ATP8A2: variants seen among roughly 807,000 people sequenced by gnomAD.
The protein encoded by ATP8A2 is ATPase phospholipid transporting 8A2, also known as phospholipid-transporting ATPase IB.
A neutral mutation model predicts 165.6 loss-of-function variants in ATP8A2; 100 were observed. The observed-to-expected ratio is 0.60, with a 90% CI of 0.51 to 0.71. The LOEUF (loss-of-function observed/expected upper bound fraction) is 0.71, where lower values mean the gene tolerates loss of function less well. Ranked by LOEUF, ATP8A2 falls within the 30% of genes least tolerant of loss-of-function variation. The pLI is 0.00. For synonymous variants in ATP8A2, 543 were observed against 548.8 expected (o/e 0.99, Z 0.15); for missense variants, 1,227 against 1,479.5 (o/e 0.83, Z 2.80).
intron 33 of ATP8A2, among the ~76,000 whole-genome samples, chr13:25,896,595 C>T (rs1206926873): frequency 6.6e-6 from 1 of 151,940 alleles, no homozygotes; most frequent in Non-Finnish European, 1.5e-5. Context: ...GCTTGTTAAC[C>T]TTCTGTCTCG....
At chr13:26,007,665 A>G (rs1956769614) in intron 35 of ATP8A2, among the ~76,000 whole-genome samples, 1 of 152,226 alleles carries the variant, frequency 6.6e-6, no homozygotes, top group African/African-American at 2.4e-5. Flanking sequence ...CAGGCTCTCA[A>G]AACATAACTA....
At chr13:25,923,370 G>T (rs142570456) in intron 33 of ATP8A2, among the ~76,000 whole-genome samples, 1 of 152,290 alleles carries the variant, frequency 6.6e-6, no homozygotes, top group African/African-American at 2.4e-5. Context: ...GGACAGAAAG[G>T]GTAAGCTGCA....
chr13:25,995,479 C>T (rs531808128), intron 35 of ATP8A2, among the ~76,000 whole-genome samples: 2 of 151,592 alleles, frequency 1.3e-5, no homozygotes, highest in South Asian at 4.2e-4. Flanking sequence ...AACCATGTAC[C>T]ACAAATTGTA....
chr13:25,915,144 A>C (rs1304599728), intron 33 of ATP8A2, among the ~76,000 whole-genome samples: 1 of 152,208 alleles, frequency 6.6e-6, no homozygotes, highest in South Asian at 2.1e-4. Flanking sequence ...ATAATGTTGA[A>C]ACAAAAACAT....
chr13:25,899,725 A>T (rs867760564), intron 33 of ATP8A2, among the ~76,000 whole-genome samples: 1 of 152,174 alleles, frequency 6.6e-6, no homozygotes, highest in Non-Finnish European at 1.5e-5. Context: ...AGAAGAGCAG[A>T]GGGGTGCACG....
intron 1 of ATP8A2, among the ~76,000 whole-genome samples, chr13:25,393,559 G>A (rs2033320703): frequency 6.6e-6 from 1 of 152,170 alleles, no homozygotes; most frequent in Non-Finnish European, 1.5e-5. Flanking sequence ...GGGATTACAG[G>A]TATGTACCAC....
At chr13:25,531,245 T>A (rs60135049) in intron 4 of ATP8A2, among the ~76,000 whole-genome samples, 103 of 90,488 alleles carry the variant, frequency 1.1e-3, no homozygotes, top group Non-Finnish European at 1.5e-3. Flanking sequence ...GATATATATG[T>A]TATATATGAT....
At chr13:25,377,034 G>A (rs924255601) in intron 1 of ATP8A2, among the ~76,000 whole-genome samples, 2 of 152,174 alleles carry the variant, frequency 1.3e-5, no homozygotes, top group Non-Finnish European at 2.9e-5. Context: ...GCCTTCCGTT[G>A]TCCAGTAATT....
At chr13:25,508,036 A>G (rs993453430) in intron 2 of ATP8A2, among the ~76,000 whole-genome samples, 1 of 152,196 alleles carries the variant, frequency 6.6e-6, no homozygotes, top group African/African-American at 2.4e-5. Context: ...GGAAATGCAA[A>G]TTAATGTGAC....
chr13:25,867,337 T>C (rs1420067204), intron 33 of ATP8A2, among the ~76,000 whole-genome samples: 1 of 152,150 alleles, frequency 6.6e-6, no homozygotes, highest in Non-Finnish European at 1.5e-5. Context: ...GGCCTAGGTA[T>C]GTTCCATGTG....
At chr13:25,982,796 A>G (rs551163654) in intron 35 of ATP8A2, among the ~76,000 whole-genome samples, 20 of 152,322 alleles carry the variant, frequency 1.3e-4, no homozygotes, top group African/African-American at 4.3e-4. Flanking sequence ...AAAGTGCACC[A>G]TTTGATTCCA....
chr13:25,389,449 C>T (rs2033167076), intron 1 of ATP8A2, among the ~76,000 whole-genome samples: 1 of 152,152 alleles, frequency 6.6e-6, no homozygotes, highest in African/African-American at 2.4e-5. Context: ...TCTAGGGTTA[C>T]TTGGAAATCT....
chr13:25,622,221 A>AT (rs1457253552), intron 24 of ATP8A2, among the ~76,000 whole-genome samples: 1 of 151,790 alleles, frequency 6.6e-6, no homozygotes, highest in Non-Finnish European at 1.5e-5. Flanking sequence ...AAAAAAAAAA[A>AT]AATTAAGCCT....
intron 24 of ATP8A2, among the ~76,000 whole-genome samples, chr13:25,623,659 A>G (rs1001496012): frequency 1.3e-5 from 2 of 152,054 alleles, no homozygotes; most frequent in African/African-American, 4.8e-5. Context: ...TTTGCTCTGG[A>G]TTTATCACCT....
intron 33 of ATP8A2, among the ~76,000 whole-genome samples, chr13:25,888,435 A>AG (rs1465046779): frequency 1.3e-5 from 2 of 152,250 alleles, no homozygotes; most frequent in Non-Finnish European, 2.9e-5. Context: ...GTTCAGAAAA[A>AG]GCTAAAAGCA....
At chr13:25,770,272 C>T (rs1274058521) in intron 26 of ATP8A2, among the ~76,000 whole-genome samples, 1 of 152,120 alleles carries the variant, frequency 6.6e-6, no homozygotes, top group Non-Finnish European at 1.5e-5. Flanking sequence ...GAGATTCTGA[C>T]CTTCTTAAAC....
At chr13:25,551,838 C>T (rs1167768032) in intron 11 of ATP8A2, among the ~76,000 whole-genome samples, 1 of 152,106 alleles carries the variant, frequency 6.6e-6, no homozygotes, top group African/African-American at 2.4e-5. Flanking sequence ...AGAAATGTCA[C>T]TCCAGCGTAC....
intron 23 of ATP8A2, among the ~76,000 whole-genome samples, chr13:25,583,446 C>A (rs544785258): frequency 1.1e-4 from 17 of 152,222 alleles, no homozygotes; most frequent in African/African-American, 4.1e-4. Flanking sequence ...TTTTCCAGAT[C>A]TTGAGCGTTC....
intron 25 of ATP8A2, among the ~76,000 whole-genome samples, chr13:25,745,576 A>G (rs148200678): frequency 7.2e-5 from 11 of 152,274 alleles, no homozygotes; most frequent in Admixed American, 2.0e-4. Context: ...GCTCTGGACT[A>G]TGTATCCACT....
Sources: allele counts gnomAD v4.1 joint callset (sites outside exome capture counted in the v4.1 genomes callset), GRCh38; gene constraint gnomAD v4.1.1; transcripts MANE v1.5; gene names NCBI Gene and HGNC (gene_info 2026-07-23, HGNC 2026-07-21).